Variants in SCHIP1 observed in about 807,000 individuals in gnomAD.
SCHIP1 encodes schwannomin interacting protein 1, also known as schwannomin-interacting protein 1.
A neutral mutation model predicts 29.7 loss-of-function variants in SCHIP1; 8 were observed. The ratio of observed to expected loss-of-function variants is 0.27; its 90% CI spans 0.16 to 0.49. SCHIP1 has a LOEUF of 0.49. SCHIP1 is among the 20% of genes least tolerant of loss of function. The pLI is 0.99. For missense variants in SCHIP1, 193 were observed against 294.6 expected (o/e 0.66, Z 2.52); for synonymous variants, 76 against 94.9 (o/e 0.80, Z 1.16).
At chr3:159,295,277 CAA>C in the SCHIP1 span, among the ~76,000 whole-genome samples, 6 of 130,936 alleles carry the variant, frequency 4.6e-5, no homozygotes, top group African/African-American at 1.8e-4. Flanking sequence ...AAAAAAAAAA[CAA>C]CTAGCCAGGC....
the SCHIP1 span, among the ~76,000 whole-genome samples, chr3:159,812,408 A>G: frequency 6.6e-6 from 1 of 152,360 alleles, no homozygotes; most frequent in African/African-American, 2.4e-5. Context: ...GGAAAATTTA[A>G]ACAAGTGGAG....
the SCHIP1 span, among the ~76,000 whole-genome samples, chr3:159,377,952 G>T: frequency 6.6e-6 from 1 of 152,136 alleles, no homozygotes; most frequent in Non-Finnish European, 1.5e-5. Flanking sequence ...TAAATTTGCT[G>T]CAAGGCCCTG....
the SCHIP1 span, among the ~76,000 whole-genome samples, chr3:159,732,878 A>G: frequency 6.6e-6 from 1 of 152,166 alleles, no homozygotes; most frequent in South Asian, 2.1e-4. Context: ...AAGTACATGA[A>G]TGTTTGGAAT....
At chr3:159,306,539 T>C in the SCHIP1 span, 3 of 725,464 alleles carry the variant, frequency 4.1e-6, no homozygotes, top group Non-Finnish European at 5.1e-6. Context: ...CATGCCATCA[T>C]GTGTGGGATC....
chr3:159,573,531 T>A, the SCHIP1 span, among the ~76,000 whole-genome samples: 4 of 152,236 alleles, frequency 2.6e-5, no homozygotes, highest in African/African-American at 9.6e-5. Flanking sequence ...CCTCTCTGGC[T>A]GCCCTTAACA....
At chr3:159,301,578 T>A in the SCHIP1 span, among the ~76,000 whole-genome samples, 1 of 152,276 alleles carries the variant, frequency 6.6e-6, no homozygotes, top group Admixed American at 6.5e-5. Context: ...AAGAGGGGCC[T>A]AATGGGAGGT....
chr3:159,548,959 T>C, the SCHIP1 span, among the ~76,000 whole-genome samples: 1 of 152,178 alleles, frequency 6.6e-6, no homozygotes, highest in Non-Finnish European at 1.5e-5. Flanking sequence ...ATTTGAGTTA[T>C]ATCCTGGACA....
the SCHIP1 span, among the ~76,000 whole-genome samples, chr3:159,798,618 C>T: frequency 1.3e-5 from 2 of 151,920 alleles, no homozygotes; most frequent in Admixed American, 6.6e-5. Context: ...ATTAGTTGGG[C>T]GTGGTGGTGC....
the SCHIP1 span, among the ~76,000 whole-genome samples, chr3:159,709,238 G>T: frequency 8.5e-5 from 13 of 152,128 alleles, no homozygotes; most frequent in African/African-American, 3.1e-4. Context: ...AAGGGAATAT[G>T]GCTATAAGAG....
chr3:159,670,244 A>C, the SCHIP1 span, among the ~76,000 whole-genome samples: 1 of 152,240 alleles, frequency 6.6e-6, no homozygotes, highest in Non-Finnish European at 1.5e-5. Context: ...CAGAATAAAC[A>C]AACCCATCAA....
chr3:159,415,584 A>G, the SCHIP1 span, among the ~76,000 whole-genome samples: 1 of 152,172 alleles, frequency 6.6e-6, no homozygotes, highest in Non-Finnish European at 1.5e-5. Context: ...TGCCAAAGAT[A>G]ATAGTATCCA....
chr3:159,793,219 G>A, the SCHIP1 span, among the ~76,000 whole-genome samples: 1 of 152,120 alleles, frequency 6.6e-6, no homozygotes, highest in African/African-American at 2.4e-5. Context: ...TAGCATTAGT[G>A]TGTGTACTCT....
the SCHIP1 span, among the ~76,000 whole-genome samples, chr3:159,298,531 T>C: frequency 6.6e-6 from 1 of 152,202 alleles, no homozygotes; most frequent in Non-Finnish European, 1.5e-5. Flanking sequence ...CCTACTCTGA[T>C]AGCTTATGTT....
the SCHIP1 span, among the ~76,000 whole-genome samples, chr3:159,278,461 G>A: frequency 6.6e-6 from 1 of 152,104 alleles, no homozygotes; most frequent in Non-Finnish European, 1.5e-5. Context: ...ATACTACAAT[G>A]CATAAAAAAG....
chr3:159,603,933 G>C, the SCHIP1 span, among the ~76,000 whole-genome samples: 300 of 152,168 alleles, frequency 2.0e-3, 1 homozygote, highest in African/African-American at 7.0e-3. Flanking sequence ...TTTTATAACA[G>C]ACCCACTCTT....
the SCHIP1 span, among the ~76,000 whole-genome samples, chr3:159,726,665 A>C: frequency 6.6e-6 from 1 of 152,182 alleles, no homozygotes; most frequent in Non-Finnish European, 1.5e-5. Flanking sequence ...TTGCAAGTGA[A>C]ATAGCTTATG....
At chr3:159,456,929 T>A in the SCHIP1 span, among the ~76,000 whole-genome samples, 1 of 152,304 alleles carries the variant, frequency 6.6e-6, no homozygotes, top group East Asian at 1.9e-4. Flanking sequence ...GAAGGGTTGT[T>A]AAAAACATAA....
At chr3:159,713,417 A>G in the SCHIP1 span, among the ~76,000 whole-genome samples, 2 of 152,352 alleles carry the variant, frequency 1.3e-5, no homozygotes, top group East Asian at 3.9e-4. Flanking sequence ...CCCTCACTCC[A>G]GTTCATATAT....
the SCHIP1 span, among the ~76,000 whole-genome samples, chr3:159,767,270 T>C: frequency 3.8e-4 from 58 of 152,324 alleles, no homozygotes; most frequent in South Asian, 0.012. Flanking sequence ...GAATGTATGA[T>C]AGTGTATTGC....
Sources: gnomAD v4.1 joint callset for allele counts (sites outside exome capture counted in the v4.1 genomes callset) on GRCh38, gnomAD v4.1.1 for gene constraint, MANE v1.5 for transcripts, NCBI Gene and HGNC (gene_info 2026-07-23, HGNC 2026-07-21) for gene names.